The following ANKS1A variants were observed in gnomAD, a reference collection of about 807,000 sequenced individuals.
The protein encoded by ANKS1A is ankyrin repeat and sterile alpha motif domain containing 1A.
Under a neutral mutation model 120.3 loss-of-function variants are expected in ANKS1A, and 55 were observed. The ratio of observed to expected loss-of-function variants is 0.46; its 90% CI spans 0.37 to 0.57. The LOEUF is 0.57. Ranked by LOEUF, ANKS1A falls within the 20% of genes least tolerant of loss-of-function variation. The pLI, the probability that ANKS1A is intolerant of heterozygous loss-of-function variation, is 0.00. For missense variants in ANKS1A, 1,123 were observed against 1,480.3 expected (o/e 0.76, Z 3.96); for synonymous variants, 590 against 604.7 (o/e 0.98, Z 0.36).
In ANKS1A at chr6:34,973,891, CCCCTT is replaced by C. The variant is rs1160662673; in HGVS notation, c.435+3734_435+3738del. On this transcript the variant is annotated intron_variant, in intron 3 of 23. Coordinates refer to ENST00000360359, the MANE Select transcript of ANKS1A (RefSeq NM_015245.3). Reference sequence around the variant, plus strand: ...CTTCCCTTCCCCTTCCCCTTCACTTCCCCTTCCCTTCCCCTTCCCCTTCCCTTCCC... The same window carrying C: ...CTTCCCTTCCCCTTCCCCTTCACTTCCCCTTCCCCTTCCCCTTCCCTTCCC... Among the ~76,000 whole-genome samples, 40 of 58,842 alleles carry C rather than the reference CCCCTT, an allele frequency of 6.8e-4. 2 individuals carry two copies. The highest frequency in any genetic ancestry group is 2.3e-3 in the African/African-American group (36 of 15,516). 38.6% of individuals were successfully genotyped at this position (58,842 alleles called of 152,430 possible).
intron 13 of ANKS1A, among the ~76,000 whole-genome samples, chr6:35,064,549 C>T (rs2127593901): frequency 6.6e-6 from 1 of 152,298 alleles, no homozygotes; most frequent in East Asian, 1.9e-4. Context: ...TTCTTTGAAA[C>T]TTTCCAACCA....
Position 35,084,052 on chromosome 6 carries a change from A to C in ANKS1A, c.2995-69A>C. 1 of 1,591,514 alleles carries C rather than the reference A, an allele frequency of 6.3e-7. No individual in the cohort carries two copies. The highest frequency in any genetic ancestry group is 8.6e-7 in the Non-Finnish European group (1 of 1,166,070). On this transcript the variant is annotated intron_variant, in intron 20 of 23. Transcript: ENST00000360359. The surrounding 1 kb of genome is among the most constrained non-coding windows in gnomAD (Gnocchi z 4.8). ...GACAGAGAACAGTGACAATGGTAAC[A>C]GGCTGGGGCAGGGGGTGCCAGAGGC...
chr6:35,070,615 G>A (rs918997343), intron 13 of ANKS1A, among the ~76,000 whole-genome samples: 62 of 148,790 alleles, frequency 4.2e-4, no homozygotes, highest in African/African-American at 1.5e-3. Flanking sequence ...TCAGCCGCCC[G>A]AGTAGCTGGG....
intron 13 of ANKS1A, chr6:35,070,783 C>A (rs1777044832): frequency 2.4e-6 from 1 of 415,270 alleles, no homozygotes; most frequent in Non-Finnish European, 4.5e-6. Flanking sequence ...CGTGCACAGC[C>A]CACAAGCCTT....
intron 2 of ANKS1A, among the ~76,000 whole-genome samples, chr6:34,969,490 G>A (rs1178441665): frequency 1.3e-5 from 2 of 152,114 alleles, no homozygotes; most frequent in East Asian, 1.9e-4. Context: ...CCTGACCTCA[G>A]GTGATCCACC....
In ANKS1A at chr6:34,990,148, G is replaced by C. The variant is rs994253734; in HGVS notation, c.1302+832G>C. On this transcript the variant is annotated intron_variant, in intron 9 of 23. Coordinates refer to ENST00000360359, the MANE Select transcript of ANKS1A (RefSeq NM_015245.3). ...AAGTTCGAGTTATTGATTTTTTACA[G>C]TATTGCCACGGACCATGGCAGGTTC... 4.1e-4 allele frequency among the ~76,000 whole-genome samples: 63 copies of C among 152,234 alleles called. 1 individual carries two copies. The highest frequency in any genetic ancestry group is 1.5e-3 in the African/African-American group (62 of 41,550).
chr6:35,039,618 C>G (rs1231753624), intron 11 of ANKS1A: 2 of 456,762 alleles, frequency 4.4e-6, no homozygotes, highest in Non-Finnish European at 8.8e-6. Context: ...GGGCTACTGC[C>G]ACGTGCGTCC....
At chr6:35,055,663 C>G (rs926344029) in intron 12 of ANKS1A, among the ~76,000 whole-genome samples, 2 of 152,204 alleles carry the variant, frequency 1.3e-5, no homozygotes, top group African/African-American at 4.8e-5. Context: ...ATTACTTACT[C>G]ATATCGAGAA....
At chr6:34,970,516 T>C (rs532722356) in intron 3 of ANKS1A, among the ~76,000 whole-genome samples, 11 of 152,218 alleles carry the variant, frequency 7.2e-5, no homozygotes, top group Non-Finnish European at 1.3e-4. Context: ...AAGTCCCTTA[T>C]GTAAAACGGC....
Position 35,090,376 on chromosome 6 carries a change from C to A in ANKS1A, c.*1767C>A. 9.6e-6 allele frequency: 12 copies of A among 1,243,736 alleles called. No individual in the cohort carries two copies. The highest frequency in any genetic ancestry group is 2.6e-5 in the Admixed American group (1 of 38,248). The allele number at this position is 1,243,736 out of a possible 1,614,324, so 77.0% of individuals were successfully genotyped here. A position where few individuals can be genotyped will look rare whatever the true frequency, so the allele number is the denominator to read the frequency against. On this transcript the variant is annotated 3_prime_UTR_variant, in exon 24 of 24. Transcript: ENST00000360359. ...CCCGTCTTCCTCCTAAGGGGCCAGG[C>A]CACATCCAAGTGGGCCTCTGTCGGG...
chr6:35,068,649 C>T (rs1776916293), intron 13 of ANKS1A, among the ~76,000 whole-genome samples: 1 of 152,204 alleles, frequency 6.6e-6, no homozygotes, highest in Non-Finnish European at 1.5e-5. Flanking sequence ...GTGCCCTGAT[C>T]CCTGAGTCTG....
intron 1 of ANKS1A, among the ~76,000 whole-genome samples, chr6:34,963,973 T>A (rs1770774279): frequency 6.6e-6 from 1 of 152,254 alleles, no homozygotes; most frequent in Non-Finnish European, 1.5e-5. Context: ...TTATTTGCTT[T>A]CTTGCTATTG....
At chr6:35,029,453 G>T (rs546966314) in intron 11 of ANKS1A, among the ~76,000 whole-genome samples, 8 of 148,304 alleles carry the variant, frequency 5.4e-5, no homozygotes, top group Non-Finnish European at 1.5e-5. Flanking sequence ...GGTTCAAGCT[G>T]TTCTCCTGCC....
chr6:35,019,074 T>C (rs1331971960), intron 11 of ANKS1A, among the ~76,000 whole-genome samples: 1 of 152,172 alleles, frequency 6.6e-6, no homozygotes, highest in African/African-American at 2.4e-5. Flanking sequence ...GGCCCAGTTT[T>C]CTTTCATAGC....
At chr6:34,895,666 TC>T (rs1260761632) in intron 1 of ANKS1A, among the ~76,000 whole-genome samples, 1 of 152,088 alleles carries the variant, frequency 6.6e-6, no homozygotes, top group Non-Finnish European at 1.5e-5. Flanking sequence ...TTCCTGCTCT[TC>T]TAAGAGAATG....
At chr6:34,934,307 C>T (rs1769139326) in intron 1 of ANKS1A, among the ~76,000 whole-genome samples, 1 of 151,926 alleles carries the variant, frequency 6.6e-6, no homozygotes, top group Non-Finnish European at 1.5e-5. Flanking sequence ...ACCACCATGC[C>T]CGGCTAATTT....
Position 35,083,484 on chromosome 6 carries a change from T to C in ANKS1A, c.2975T>C (p.Phe992Ser). 1 of 1,613,962 alleles carries C rather than the reference T, an allele frequency of 6.2e-7. No individual in the cohort carries two copies. The highest frequency in any genetic ancestry group is 2.2e-5 in the East Asian group (1 of 44,866). ...ILSITYKGVKFIDASNKNVIA... is the reference protein window; with the variant it reads ...ILSITYKGVKSIDASNKNVIA... ...TCCATCACATACAAAGGTGTCAAGT[T>C]CATCGATGCCTCCAACAAGGTGTGC... The change falls in exon 20 of 24, where the codon TTC (phenylalanine) becomes TCC (serine). Residue 992 changes from phenylalanine to serine, a missense_variant. Physicochemically the swap from Phe to Ser is radical, Grantham distance 155 (BLOSUM62 -2). Transcript: ENST00000360359.
At chr6:35,038,087 A>G (rs1192273017) in intron 11 of ANKS1A, among the ~76,000 whole-genome samples, 1 of 152,160 alleles carries the variant, frequency 6.6e-6, no homozygotes, top group Non-Finnish European at 1.5e-5. Flanking sequence ...TGGTAAGAGT[A>G]GTAGAAGACA....
At chr6:35,061,750 C>A (rs1306272853) in intron 13 of ANKS1A, among the ~76,000 whole-genome samples, 1 of 152,130 alleles carries the variant, frequency 6.6e-6, no homozygotes, top group Non-Finnish European at 1.5e-5. Context: ...ATTTATGGTT[C>A]TTATGACCTA....
Sources: gnomAD v4.1 joint callset for allele counts (sites outside exome capture counted in the v4.1 genomes callset) on GRCh38, gnomAD v4.1.1 for gene constraint, Gnocchi (gnomAD v3.1) non-coding constraint, MANE v1.5 for transcripts, NCBI Gene and HGNC (gene_info 2026-07-23, HGNC 2026-07-21) for gene names.